The following BCKDHB variants were observed in gnomAD, a reference collection of about 807,000 sequenced individuals.
The protein encoded by BCKDHB is 2-oxoisovalerate dehydrogenase subunit beta, mitochondrial.
Under a neutral mutation model 48.5 loss-of-function variants are expected in BCKDHB, and 41 were observed. The observed-to-expected ratio is 0.85, with a 90% confidence interval of 0.66 to 1.10. The LOEUF is 1.10. Among genes scored for constraint, BCKDHB ranks in the 50% least tolerant of loss-of-function variants. The pLI, the probability that BCKDHB is intolerant of heterozygous loss-of-function variation, is 0.00. For missense variants in BCKDHB, 496 were observed against 494.2 expected (o/e 1.00, Z -0.03); for synonymous variants, 201 against 174.8 (o/e 1.15, Z -1.18).
chr6:80,454,069 A>G, the BCKDHB span: 3 of 152,180 alleles, frequency 2.0e-5, no homozygotes, highest in African/African-American at 7.2e-5. Context: ...GAATATGCTC[A>G]TACACTCTAC....
the BCKDHB span, among the ~76,000 whole-genome samples, chr6:80,354,934 T>A: frequency 6.6e-6 from 1 of 152,190 alleles, no homozygotes; most frequent in South Asian, 2.1e-4. Context: ...AATCAAGCAA[T>A]GTGATGCCTC....
chr6:80,363,412 T>C, the BCKDHB span, among the ~76,000 whole-genome samples: 1 of 152,202 alleles, frequency 6.6e-6, no homozygotes, highest in African/African-American at 2.4e-5. Flanking sequence ...CAAGAGCTTA[T>C]CTTTAGAAAA....
intron 9 of BCKDHB, among the ~76,000 whole-genome samples, chr6:80,328,645 T>C (rs536176113): frequency 6.6e-5 from 10 of 152,312 alleles, no homozygotes; most frequent in African/African-American, 2.4e-4. Flanking sequence ...CTCCTGAACG[T>C]TGTATAATTG....
chr6:80,316,500 A>G (rs1048486128), intron 9 of BCKDHB, among the ~76,000 whole-genome samples: 3 of 152,152 alleles, frequency 2.0e-5, no homozygotes, highest in African/African-American at 7.2e-5. Flanking sequence ...TTCATATCAT[A>G]TGACTATTTG....
chr6:80,380,795 A>G, the BCKDHB span, among the ~76,000 whole-genome samples: 1 of 152,052 alleles, frequency 6.6e-6, no homozygotes, highest in Admixed American at 6.6e-5. Flanking sequence ...TGTTTCTCAA[A>G]AAAAGAAGTA....
chr6:80,111,854 C>G (rs1562054357), intron 1 of BCKDHB, among the ~76,000 whole-genome samples: 1 of 152,142 alleles, frequency 6.6e-6, no homozygotes, highest in African/African-American at 2.4e-5. Flanking sequence ...CCTACTTAGT[C>G]TACCCGGGGG....
chr6:80,424,602 A>G, the BCKDHB span, among the ~76,000 whole-genome samples: 2 of 152,174 alleles, frequency 1.3e-5, no homozygotes, highest in South Asian at 4.1e-4. Context: ...TACTATTTTT[A>G]ACCATAAGAC....
At chr6:80,129,976 A>G (rs553734398) in intron 3 of BCKDHB, among the ~76,000 whole-genome samples, 1 of 152,300 alleles carries the variant, frequency 6.6e-6, no homozygotes, top group East Asian at 1.9e-4. Flanking sequence ...TTGACATATA[A>G]TGAACCATCA....
At chr6:80,387,050 C>T in the BCKDHB span, among the ~76,000 whole-genome samples, 1 of 152,110 alleles carries the variant, frequency 6.6e-6, no homozygotes. Context: ...AATGATTAGA[C>T]ATTTCAGGGA....
chr6:80,197,233 A>C (rs1364614667), intron 6 of BCKDHB, among the ~76,000 whole-genome samples: 1 of 152,218 alleles, frequency 6.6e-6, no homozygotes. Context: ...AATATGTTTT[A>C]AATTAAATTT....
chr6:80,412,364 C>T, the BCKDHB span, among the ~76,000 whole-genome samples: 3 of 151,998 alleles, frequency 2.0e-5, no homozygotes, highest in Admixed American at 1.3e-4. Context: ...CCAGTCTGGT[C>T]TTGAACTCCT....
chr6:80,397,369 T>A, the BCKDHB span, among the ~76,000 whole-genome samples: 4 of 152,164 alleles, frequency 2.6e-5, no homozygotes, highest in Non-Finnish European at 5.9e-5. Flanking sequence ...TTGTTTCCTT[T>A]GAACCCTTGA....
chr6:80,150,003 C>G (rs1771691651), intron 3 of BCKDHB, among the ~76,000 whole-genome samples: 1 of 151,378 alleles, frequency 6.6e-6, no homozygotes, highest in Non-Finnish European at 1.5e-5. Context: ...ATAGTAAAGT[C>G]CAGTTTTCAT....
At chr6:80,160,323 A>G (rs888069983) in intron 3 of BCKDHB, among the ~76,000 whole-genome samples, 9 of 151,952 alleles carry the variant, frequency 5.9e-5, no homozygotes, top group African/African-American at 2.2e-4. Flanking sequence ...CACCTGGCAG[A>G]TTTTTTGTAT....
intron 9 of BCKDHB, 56 bp downstream of exon 9, chr6:80,273,277 C>A: frequency 7.2e-7 from 1 of 1,392,758 alleles, no homozygotes; most frequent in South Asian, 1.2e-5. Context: ...ATGCCAATTC[C>A]AGAAGAAAAT....
chr6:80,237,756 C>G (rs763965779), intron 8 of BCKDHB, among the ~76,000 whole-genome samples: 12 of 152,150 alleles, frequency 7.9e-5, no homozygotes, highest in Admixed American at 4.6e-4. Context: ...TTTCAACTTT[C>G]TAGTTCAGAT....
intron 1 of BCKDHB, among the ~76,000 whole-genome samples, chr6:80,108,533 A>C (rs1181106653): frequency 6.7e-6 from 1 of 149,134 alleles, no homozygotes; most frequent in Non-Finnish European, 1.5e-5. Context: ...ACATATTAAC[A>C]GATAATTTGG....
At chr6:80,372,361 G>A in the BCKDHB span, among the ~76,000 whole-genome samples, 16 of 152,064 alleles carry the variant, frequency 1.1e-4, no homozygotes, top group South Asian at 2.1e-4. Context: ...GGAGCTTTTC[G>A]GATGAGTCTT....
At chr6:80,326,462 T>C (rs1210696704) in intron 9 of BCKDHB, among the ~76,000 whole-genome samples, 1 of 152,204 alleles carries the variant, frequency 6.6e-6, no homozygotes, top group Non-Finnish European at 1.5e-5. Context: ...GCAAGAAAAC[T>C]GATTTTTCTT....
Sources: gnomAD v4.1 joint callset for allele counts (sites outside exome capture counted in the v4.1 genomes callset) on GRCh38, gnomAD v4.1.1 for gene constraint, MANE v1.5 for transcripts, NCBI Gene and HGNC (gene_info 2026-07-23, HGNC 2026-07-21) for gene names.